SAMD11: variants seen among roughly 807,000 people sequenced by gnomAD.
The protein encoded by SAMD11 is sterile alpha motif domain-containing protein 11.
SAMD11 carries 77 observed loss-of-function variants against 64.4 expected under a neutral mutation model. The observed-to-expected ratio is 1.20, with a 90% confidence interval of 0.99 to 1.44. SAMD11 has a LOEUF of 1.44. Ranked by LOEUF, SAMD11 falls within the 40% of genes most tolerant of loss-of-function variation. The probability of loss-of-function intolerance (pLI) is 0.00; values close to 1 mark genes in which losing one functional copy is unlikely to be tolerated. For synonymous variants in SAMD11, 658 were observed against 421.9 expected, an observed-to-expected ratio of 1.56 and a Z score of -6.86; for missense variants, 1,402 against 943.3, an observed-to-expected ratio of 1.49 and a Z score of -6.37.
chr1:930,700 C>T (rs1300792546), intron 3 of SAMD11, among the ~76,000 whole-genome samples: 1 of 152,228 alleles, frequency 6.6e-6, no homozygotes, highest in East Asian at 1.9e-4. Context: ...ACTGGCTGTG[C>T]AGAAGCAGCC....
rs772855013 is a variant in SAMD11, at chr1:931,102, C to T, written c.842+13C>T. 6.8e-6 allele frequency: 11 copies of T among 1,611,012 alleles called. No homozygotes were observed. The highest frequency in any genetic ancestry group is 1.7e-5 in the Admixed American group (1 of 59,982). Reference sequence around the variant, plus strand: ...AGGCGTCCTGCAGGTAGGAGCCGTGCTGTGCGTGCATAAGAGGGGGCCGTG... The same window carrying T: ...AGGCGTCCTGCAGGTAGGAGCCGTGTTGTGCGTGCATAAGAGGGGGCCGTG... On this transcript the variant is annotated intron_variant, in intron 4 of 13. Transcript: ENST00000616016.
At chr1:931,197 A>G (rs1641156957) in intron 4 of SAMD11, 108 bp downstream of exon 4, 1 of 932,658 alleles carries the variant, frequency 1.1e-6, no homozygotes, top group East Asian at 3.0e-5. Flanking sequence ...GCGTGAGCTG[A>G]TGCTGTGATG....
intron 5 of SAMD11, 47 bp from the exon 6 acceptor site, chr1:938,993 C>T (rs552740750): frequency 2.0e-6 from 3 of 1,510,104 alleles, no homozygotes; most frequent in Non-Finnish European, 1.8e-6. Flanking sequence ...GCTGGGTTCC[C>T]CTTCCATTCC....
rs923829799 is a variant in SAMD11, at chr1:930,146, C to T, written c.610-9C>T. 2 of 1,553,194 alleles carry T rather than the reference C, an allele frequency of 1.3e-6. No homozygotes were observed. Among genetic ancestry groups the T allele is most frequent in the Non-Finnish European group, 1.7e-6 (2 of 1,148,214 alleles). ...CCTGCCCCACCTTCCTCTCCTCCTG[C>T]CCCACCAGAACCGGGGGCGGCTGGC... On this transcript the variant is annotated splice_polypyrimidine_tract_variant and intron_variant, in intron 2 of 13. Transcript: ENST00000616016.
rs74047406 is a variant in SAMD11, at chr1:929,515, C to T, written c.610-640C>T. Among the ~76,000 whole-genome samples, 340 of 152,328 alleles carry T rather than the reference C, an allele frequency of 2.2e-3. 1 individual carries two copies. Among genetic ancestry groups the T allele is most frequent in the African/African-American group, 7.8e-3 (325 of 41,560 alleles). ...CCCCTGAGCCGGGCTGTGCGTGGCG[C>T]TGATGAAATAGAAAAGGGCATTCGC... is the stretch of plus-strand genomic sequence containing the variant. On this transcript the variant is annotated intron_variant, in intron 2 of 13. Coordinates refer to ENST00000616016, the MANE Select transcript of SAMD11 (RefSeq NM_001385641.1).
Position 939,385 on chromosome 1 carries a change from C to T in SAMD11, c.1168C>T (p.Leu390Phe), listed in dbSNP as rs1252357589. The T allele has an allele frequency of 1.9e-6, 3 of 1,600,414 alleles. No homozygotes were observed. Among genetic ancestry groups the T allele is most frequent in the East Asian group, 2.2e-5 (1 of 44,756 alleles). Residue 390 changes from leucine to phenylalanine, a missense_variant, in exon 7 of 14, where the codon CTC (leucine) becomes TTC (phenylalanine). Leu to Phe is a conservative substitution (Grantham distance 22). Transcript: ENST00000616016. ...EASTFEDPQR[L>F]YHLGLPSHDL... is the part of the protein sequence containing the mutation. The stretch of plus-strand genomic sequence containing the variant: ...CAGCACCTTTGAGGACCCTCAGCGC[C>T]TCTACCACCTGGGCCTCCCCAGCCA...
Position 942,756 on chromosome 1 carries a change from C to A in SAMD11, c.1751C>A (p.Pro584His), listed in dbSNP as rs1358004683. The change falls in exon 11 of 14, where the codon CCC (proline) becomes CAC (histidine). Residue 584 changes from proline to histidine, a missense_variant. By Grantham distance (77) the Pro-to-His change is moderately conservative (BLOSUM62 -2). Coordinates refer to ENST00000616016, the MANE Select transcript of SAMD11 (RefSeq NM_001385641.1). ...PPQGPPGSGP[P>H]TPSRDSARRA... The stretch of plus-strand genomic sequence containing the variant: ...CAGGGGCCCCCGGGCTCCGGACCCC[C>A]CACCCCGTCCCGGGACTCTGCCCGG... The A allele has an allele frequency of 3.3e-6, 5 of 1,518,090 alleles. No homozygotes were observed. In the Admixed American group the frequency reaches 8.5e-5, roughly 26 times the overall value. 94.0% of individuals were successfully genotyped at this position (1,518,090 alleles called of 1,614,324 possible).
chr1:933,121 G>T (rs1279507649), intron 4 of SAMD11, among the ~76,000 whole-genome samples: 1 of 152,214 alleles, frequency 6.6e-6, no homozygotes, highest in Non-Finnish European at 1.5e-5. Context: ...ACTCTCAGGG[G>T]CTTCGTCCCT....
At chr1:939,555 C>A in intron 7 of SAMD11, 143 bp downstream of exon 7, 1 of 1,163,982 alleles carries the variant, frequency 8.6e-7, no homozygotes, top group South Asian at 1.5e-5. Flanking sequence ...ACACCAAGGC[C>A]AGGCTGGATG....
chr1:940,171 T>C (rs111905859), intron 7 of SAMD11, among the ~76,000 whole-genome samples: 4 of 152,166 alleles, frequency 2.6e-5, no homozygotes, highest in African/African-American at 9.6e-5. Flanking sequence ...ATTCACCAAA[T>C]GTTAATAATG....
Position 942,835 on chromosome 1 carries a change from C to T in SAMD11, c.1830C>T (p.Ser610=). 6.4e-7 allele frequency: 1 copy of T among 1,551,012 alleles called. No homozygotes were observed. Among genetic ancestry groups the T allele is most frequent in the Non-Finnish European group, 8.7e-7 (1 of 1,147,374 alleles). Residue 610 remains serine (S), a synonymous_variant, in exon 11 of 14, where the codon TCC becomes TCT. Transcript: ENST00000616016. ...CTGCCTCAGCGCGGCCCAGCGAGTC[C>T]AAGGAGATGACGGGGGCTAGGCTCT... is the stretch of plus-strand genomic sequence containing the variant. ...PGPASARPSE[S]KEMTGARLWA... is the part of the protein sequence containing the mutation.
intron 2 of SAMD11, among the ~76,000 whole-genome samples, chr1:929,514 G>A (rs528785725): frequency 1.8e-4 from 27 of 152,362 alleles, no homozygotes; most frequent in African/African-American, 1.4e-4. Flanking sequence ...TGTGCGTGGC[G>A]CTGATGAAAT....
At chr1:931,653 G>A (rs1335816427) in intron 4 of SAMD11, among the ~76,000 whole-genome samples, 1 of 152,232 alleles carries the variant, frequency 6.6e-6, no homozygotes, top group Non-Finnish European at 1.5e-5. Flanking sequence ...CCTCCAGGCG[G>A]GAGCCACCGA....
rs1260752921 is a variant in SAMD11, at chr1:944,555, A to AAAAT, written c.*409_*412dup. 5 of 634,588 alleles carry AAAAT rather than the reference A, an allele frequency of 7.9e-6. No individual in the cohort carries two copies. The highest frequency in any genetic ancestry group is 1.9e-5 in the African/African-American group (1 of 53,716). The allele number at this position is 634,588 out of a possible 1,614,324, so 39.3% of individuals were successfully genotyped here. On this transcript the variant is annotated 3_prime_UTR_variant, in exon 14 of 14. Coordinates refer to ENST00000616016, the MANE Select transcript of SAMD11 (RefSeq NM_001385641.1). ...CGATACGTTTGGTCTTTCATGCTGA[A>AAAAT]AAATAAATAATAAAGCCTGTCCCGT...
intron 8 of SAMD11, among the ~76,000 whole-genome samples, chr1:941,699 G>A (rs1269010082): frequency 6.6e-5 from 10 of 152,124 alleles, no homozygotes; most frequent in Non-Finnish European, 1.5e-5. Context: ...GCACAGACCC[G>A]GGTTTCTCGG....
intron 4 of SAMD11, among the ~76,000 whole-genome samples, chr1:935,475 T>A (rs560029777): frequency 9.2e-4 from 140 of 152,196 alleles, no homozygotes; most frequent in African/African-American, 3.3e-3. Flanking sequence ...GAGATAACTG[T>A]GATTCCCTGT....
At position 928,387 on chromosome 1, in the gene SAMD11, G is replaced by A. The variant is rs143453118; in HGVS notation, c.610-1768G>A. On this transcript the variant is annotated intron_variant, in intron 2 of 13. Transcript: ENST00000616016. ...AGCCTGGGCAACAGAGTGAGACTCC[G>A]TCTCAAAAAACTAAAAAAGAAGAGA... 3.8e-3 allele frequency among the ~76,000 whole-genome samples: 574 copies of A among 152,036 alleles called. 4 individuals are homozygous for A. The highest frequency in any genetic ancestry group is 0.012 in the African/African-American group (479 of 41,322).
chr1:939,148 C>T lies in SAMD11; in HGVS notation c.1057+19C>T, dbSNP rs72902595. 1.1e-4 allele frequency: 170 copies of T among 1,568,782 alleles called. No individual in the cohort carries two copies. Among genetic ancestry groups the T allele is most frequent in the African/African-American group, 1.5e-4 (11 of 74,296 alleles). On this transcript the variant is annotated intron_variant, in intron 6 of 13. Transcript: ENST00000616016. ...CCTCAAGGTAAGAGCGTGGCTGGGA[C>T]GAGAGACAGGTCACCAGGGGAGGGG...
At chr1:943,488 A>G (rs1641943291) in intron 12 of SAMD11, 111 bp downstream of exon 12, 5 of 1,077,400 alleles carry the variant, frequency 4.6e-6, no homozygotes, top group Admixed American at 5.1e-5. Flanking sequence ...TCCCTCCCCA[A>G]AAGCAGTGCG....
Sources: gnomAD v4.1 joint callset for allele counts (sites outside exome capture counted in the v4.1 genomes callset) on GRCh38, gnomAD v4.1.1 for gene constraint, MANE v1.5 for transcripts, NCBI Gene and HGNC (gene_info 2026-07-23, HGNC 2026-07-21) for gene names.